Variants in TAF4B observed in about 807,000 individuals in gnomAD.
TAF4B encodes the protein transcription initiation factor TFIID subunit 4B.
In TAF4B, 38 loss-of-function variants were observed where a neutral mutation model predicts 86.4. The observed-to-expected ratio is 0.44, with a 90% CI of 0.34 to 0.58. TAF4B has a LOEUF of 0.58. Ranked by LOEUF, TAF4B falls within the 20% of genes least tolerant of loss-of-function variation. The pLI, the probability that TAF4B is intolerant of heterozygous loss-of-function variation, is 0.02. For synonymous variants in TAF4B, 388 were observed against 391.2 expected (o/e 0.99, Z 0.10); for missense variants, 988 against 1,027.6 (o/e 0.96, Z 0.53).
At chr18:26,234,763 A>C (rs2055723492) in intron 1 of TAF4B, among the ~76,000 whole-genome samples, 1 of 152,232 alleles carries the variant, frequency 6.6e-6, no homozygotes, top group Non-Finnish European at 1.5e-5. Flanking sequence ...GGAGAAAAGT[A>C]GCAGGGTTGA....
intron 13 of TAF4B, among the ~76,000 whole-genome samples, chr18:26,356,526 CAT>C (rs1598824823): frequency 6.6e-6 from 1 of 152,090 alleles, no homozygotes; most frequent in Non-Finnish European, 1.5e-5. Flanking sequence ...TATTTTTAAA[CAT>C]GTGTTAAAAG....
At chr18:26,284,328 A>G (rs748371694) in intron 6 of TAF4B, among the ~76,000 whole-genome samples, 6 of 152,184 alleles carry the variant, frequency 3.9e-5, no homozygotes, top group Non-Finnish European at 8.8e-5. Flanking sequence ...ACACCACTCA[A>G]ACTTTCTCCA....
intron 5 of TAF4B, 87 bp downstream of exon 5, chr18:26,275,140 T>C (rs934384468): frequency 7.8e-7 from 1 of 1,289,566 alleles, no homozygotes; most frequent in African/African-American, 1.5e-5. Flanking sequence ...AAATGGGATT[T>C]ATTTAATTTA....
At chr18:26,328,722 C>G (rs926240276) in intron 12 of TAF4B, among the ~76,000 whole-genome samples, 2 of 151,978 alleles carry the variant, frequency 1.3e-5, no homozygotes, top group African/African-American at 4.8e-5. Context: ...CAGGTTCCAG[C>G]AATTCTCCTG....
intron 13 of TAF4B, among the ~76,000 whole-genome samples, chr18:26,352,829 A>G (rs375286881): frequency 6.6e-6 from 1 of 152,228 alleles, no homozygotes; most frequent in South Asian, 2.1e-4. Context: ...AGATAGATTA[A>G]ATGACCAATA....
chr18:26,390,130 G>C lies in TAF4B; in HGVS notation c.*118G>C. On this transcript the variant is annotated 3_prime_UTR_variant, in exon 15 of 15. Transcript: ENST00000269142. ...ATAATCACCAACATGAAAGAGCATT[G>C]TTTACAGTTAGAAACTTTATTAACT... 8 of 1,098,280 alleles carry C rather than the reference G, an allele frequency of 7.3e-6. No homozygotes were observed. Among genetic ancestry groups the C allele is most frequent in the African/African-American group, 1.6e-5 (1 of 63,390 alleles). 68.0% of individuals were successfully genotyped at this position (1,098,280 alleles called of 1,614,324 possible). A position where few individuals can be genotyped will look rare whatever the true frequency, so the allele number is the denominator to read the frequency against.
chr18:26,299,028 A>G (rs1378920985), intron 9 of TAF4B, among the ~76,000 whole-genome samples: 1 of 150,618 alleles, frequency 6.6e-6, no homozygotes, highest in Non-Finnish European at 1.5e-5. Context: ...TGCATGGCTA[A>G]TTTTGCATTT....
At chr18:26,353,387 A>C (rs548786996) in intron 13 of TAF4B, among the ~76,000 whole-genome samples, 4 of 152,216 alleles carry the variant, frequency 2.6e-5, no homozygotes, top group Non-Finnish European at 5.9e-5. Flanking sequence ...ATGTTTGATA[A>C]AATTTAAAAT....
intron 14 of TAF4B, among the ~76,000 whole-genome samples, chr18:26,376,193 T>C (rs1380953519): frequency 6.6e-6 from 1 of 150,552 alleles, no homozygotes; most frequent in Non-Finnish European, 1.5e-5. Context: ...TATATTTTCA[T>C]GCGTATTTTA....
At chr18:26,310,753 C>T (rs968415783) in intron 9 of TAF4B, among the ~76,000 whole-genome samples, 12 of 151,978 alleles carry the variant, frequency 7.9e-5, no homozygotes, top group African/African-American at 2.4e-4. Flanking sequence ...CTTCTTTATC[C>T]CCCCTATTAC....
intron 11 of TAF4B, among the ~76,000 whole-genome samples, chr18:26,321,943 C>A (rs2056966833): frequency 6.6e-6 from 1 of 151,932 alleles, no homozygotes; most frequent in Admixed American, 6.6e-5. Context: ...TAGCTTGTAT[C>A]CCTAGTGGTA....
At chr18:26,282,646 A>G (rs527423051) in intron 6 of TAF4B, among the ~76,000 whole-genome samples, 5 of 152,192 alleles carry the variant, frequency 3.3e-5, no homozygotes, top group Admixed American at 6.5e-5. Context: ...AGCTGTGGCA[A>G]TGTCTTAAAT....
intron 14 of TAF4B, among the ~76,000 whole-genome samples, chr18:26,380,807 T>G (rs2057473180): frequency 6.6e-6 from 1 of 152,196 alleles, no homozygotes; most frequent in Non-Finnish European, 1.5e-5. Context: ...ATTTTTTTTT[T>G]TTACCAGAAT....
intron 14 of TAF4B, among the ~76,000 whole-genome samples, chr18:26,368,437 G>C (rs571636027): frequency 5.3e-5 from 8 of 152,180 alleles, no homozygotes; most frequent in African/African-American, 1.9e-4. Flanking sequence ...AGGTGCATAA[G>C]TAATTTAACT....
chr18:26,346,861 G>GTGTGTA lies in TAF4B; in HGVS notation c.2317-10828_2317-10827insGTGTAT, dbSNP rs1555623686. 1.7e-3 allele frequency among the ~76,000 whole-genome samples: 31 copies of GTGTGTA among 17,762 alleles called. 6 individuals carry two copies. In the South Asian group the frequency reaches 0.019, roughly 11 times the overall value. The allele number at this position is 17,762 out of a possible 152,430, so 11.7% of individuals were successfully genotyped here. ...TGTGTGTGTGTATATATATATATGT[G>GTGTGTA]TATATATATATATGTGTATATATAT... is the stretch of plus-strand genomic sequence containing the variant. On this transcript the variant is annotated intron_variant, in intron 13 of 14. Transcript: ENST00000269142.
intron 14 of TAF4B, among the ~76,000 whole-genome samples, chr18:26,366,933 T>G (rs545055699): frequency 6.6e-6 from 1 of 152,230 alleles, no homozygotes; most frequent in Admixed American, 6.5e-5. Flanking sequence ...CTCTGTAAGA[T>G]CATACTATTG....
chr18:26,281,275 T>G (rs1026124430), intron 5 of TAF4B, among the ~76,000 whole-genome samples: 1 of 152,130 alleles, frequency 6.6e-6, no homozygotes. Flanking sequence ...GCTGAATTTT[T>G]TTTTTAATCT....
chr18:26,374,475 G>C (rs1296616850), intron 14 of TAF4B, among the ~76,000 whole-genome samples: 5 of 152,048 alleles, frequency 3.3e-5, no homozygotes, highest in Non-Finnish European at 7.4e-5. Context: ...CAGCTGTTTG[G>C]TTTACACTTC....
At chr18:26,295,909 T>A (rs2056656672) in intron 9 of TAF4B, among the ~76,000 whole-genome samples, 1 of 152,186 alleles carries the variant, frequency 6.6e-6, no homozygotes, top group Admixed American at 6.5e-5. Flanking sequence ...GCCCTTTCAG[T>A]ATGTAGATTC....
Sources: gnomAD v4.1 joint callset for allele counts (sites outside exome capture counted in the v4.1 genomes callset) on GRCh38, gnomAD v4.1.1 for gene constraint, MANE v1.5 for transcripts, NCBI Gene and HGNC (gene_info 2026-07-23, HGNC 2026-07-21) for gene names.